Variants in TRAPPC14 observed in about 807,000 individuals in gnomAD.
TRAPPC14 encodes microtubule associated protein 11.
In TRAPPC14, 24 loss-of-function variants were observed where a neutral mutation model predicts 56.6. That is an observed-to-expected ratio of 0.42 (90% CI 0.31 to 0.60). The LOEUF (loss-of-function observed/expected upper bound fraction) is 0.60, where lower values mean the gene tolerates loss of function less well. TRAPPC14 is among the 20% of genes least tolerant of loss of function. TRAPPC14 has a pLI of 0.14. For synonymous variants in TRAPPC14, 377 were observed against 347.0 expected (o/e 1.09, Z -0.96); for missense variants, 615 against 790.3 (o/e 0.78, Z 2.66).
Position 100,155,825 on chromosome 7 carries a change from C to T in TRAPPC14, c.1241G>A (p.Gly414Glu). ...GCGCTCCTCCTCACACAGCTGCTTT[C>T]CTGGGGGCAGAAACAGGGACCAGCA... is the stretch of plus-strand genomic sequence containing the variant. ...LVWTPEHAQA[G>E]KQLCEEERRA... The change falls in exon 9 of 11, where the codon GGA (glycine) becomes GAA (glutamate). Residue 414 changes from glycine (G) to glutamate (E), a missense_variant and splice_region_variant. Transcript: ENST00000316937. 1 of 1,614,216 alleles carries T rather than the reference C, an allele frequency of 6.2e-7. No individual in the cohort carries two copies. Among genetic ancestry groups the T allele is most frequent in the Non-Finnish European group, 8.5e-7 (1 of 1,180,040 alleles).
In TRAPPC14 at chr7:100,155,173, A is replaced by G; in HGVS notation, c.1590-9T>C. The G allele has an allele frequency of 6.2e-7, 1 of 1,610,398 alleles. No individual in the cohort carries two copies. The highest frequency in any genetic ancestry group is 8.5e-7 in the Non-Finnish European group (1 of 1,178,406). On this transcript the variant is annotated splice_polypyrimidine_tract_variant and intron_variant, in intron 10 of 10. Transcript: ENST00000316937. ...CCATCACACTGCCCGACCTGGGGGA[A>G]GGCAGAGGCTGTGGGCGCTGGTCAG...
At chr7:100,157,578 C>G in intron 3 of TRAPPC14, 55 bp downstream of exon 3, 2 of 1,609,292 alleles carry the variant, frequency 1.2e-6, no homozygotes, top group South Asian at 2.2e-5. Context: ...GACCCCTCCC[C>G]TCTGTCCCCC....
At position 100,154,909 on chromosome 7, in the gene TRAPPC14, C is replaced by A; in HGVS notation, c.*102G>T. The A allele has an allele frequency of 8.4e-7, 1 of 1,186,274 alleles. No individual in the cohort carries two copies. Among genetic ancestry groups the A allele is most frequent in the Non-Finnish European group, 1.2e-6 (1 of 800,072 alleles). 73.5% of individuals were successfully genotyped at this position (1,186,274 alleles called of 1,614,324 possible). A position where few individuals can be genotyped will look rare whatever the true frequency, so the allele number is the denominator to read the frequency against. On this transcript the variant is annotated 3_prime_UTR_variant, in exon 11 of 11. Coordinates refer to ENST00000316937, the MANE Select transcript of TRAPPC14 (RefSeq NM_018275.5). ...GCAGCTCTGCCAGGCCTCTTCACCC[C>A]CGTCTGGGAGGCATCCCAGGGGAGG...
chr7:100,158,476 C>A lies in TRAPPC14; in HGVS notation c.24G>T (p.Ser8=). Residue 8 remains serine, a synonymous_variant, in exon 1 of 11, where the codon TCG becomes TCT. Coordinates refer to ENST00000316937, the MANE Select transcript of TRAPPC14 (RefSeq NM_018275.5). Reference sequence around the variant, plus strand: ...GCAGCGGCACGGCCGGGAAGTACATCGAGTAGTCGCACTGGGACTCCATGG... The same window carrying A: ...GCAGCGGCACGGCCGGGAAGTACATAGAGTAGTCGCACTGGGACTCCATGG... The part of the protein sequence containing the change: MESQCDY[S]MYFPAVPLPP... 1 of 1,361,856 alleles carries A rather than the reference C, an allele frequency of 7.3e-7. No homozygotes were observed. Among genetic ancestry groups the A allele is most frequent in the Non-Finnish European group, 9.4e-7 (1 of 1,059,726 alleles). The allele number at this position is 1,361,856 out of a possible 1,614,324, so 84.4% of individuals were successfully genotyped here.
At position 100,158,603 on chromosome 7, in the gene TRAPPC14, C is replaced by T; in HGVS notation, c.-104G>A. The T allele has an allele frequency of 8.6e-7, 1 of 1,167,516 alleles. No homozygotes were observed. Among genetic ancestry groups the T allele is most frequent in the South Asian group, 3.6e-5 (1 of 27,448 alleles). 72.3% of individuals were successfully genotyped at this position (1,167,516 alleles called of 1,614,324 possible). ...GGTCCCGACACCTCCGGCTGCTGCG[C>T]CCGGCTGGGGCGGCCGGAGAGACCG... is the stretch of plus-strand genomic sequence containing the variant. On this transcript the variant is annotated 5_prime_UTR_variant, in exon 1 of 11. Transcript: ENST00000316937.
chr7:100,158,116 G>T lies in TRAPPC14; in HGVS notation c.384C>A (p.Gly128=). ...GCSPLLTHGP[G]PATSGGATTL... is the part of the protein sequence containing the mutation. ...TGGTCGCTCCCCCTGAGGTAGCAGGGCCCGGGCCGTGGGTGAGAAGGGGGC... is the reference window on the plus strand; with the variant it reads ...TGGTCGCTCCCCCTGAGGTAGCAGGTCCCGGGCCGTGGGTGAGAAGGGGGC... The change falls in exon 1 of 11, where the codon GGC becomes GGA. Residue 128 remains glycine (G), a synonymous_variant. Coordinates refer to ENST00000316937, the MANE Select transcript of TRAPPC14 (RefSeq NM_018275.5). 6.7e-7 allele frequency: 1 copy of T among 1,500,462 alleles called. No homozygotes were observed. 92.9% of individuals were successfully genotyped at this position (1,500,462 alleles called of 1,614,324 possible). A position where few individuals can be genotyped will look rare whatever the true frequency, so the allele number is the denominator to read the frequency against.
rs1301248318 is a variant in TRAPPC14, at chr7:100,158,671, G to A, written c.-172C>T. 4 of 545,740 alleles carry A rather than the reference G, an allele frequency of 7.3e-6. No homozygotes were observed. Among genetic ancestry groups the A allele is most frequent in the Non-Finnish European group, 8.4e-6 (3 of 359,066 alleles). The allele number at this position is 545,740 out of a possible 1,614,324, so 33.8% of individuals were successfully genotyped here. On this transcript the variant is annotated 5_prime_UTR_variant, in exon 1 of 11. Transcript: ENST00000316937. ...GGGCAACGAACCCGAACCGAGACCC[G>A]GCAGCGCCGGAACCGGGGTACTGAG...
rs1212739073 is a variant in TRAPPC14, at chr7:100,158,150, CG to C, written c.349del (p.Arg117GlufsTer55). 6.8e-7 allele frequency: 1 copy of C among 1,479,464 alleles called. No homozygotes were observed. Among genetic ancestry groups the C allele is most frequent in the Non-Finnish European group, 8.9e-7 (1 of 1,122,630 alleles). 91.6% of individuals were successfully genotyped at this position (1,479,464 alleles called of 1,614,324 possible). On this transcript the variant is annotated frameshift_variant, in exon 1 of 11. Transcript: ENST00000316937. LOFTEE classifies it high-confidence loss of function. The part of the protein sequence containing the change: ...GGDPGGGGLF[R>X]GCSPLLTHGP... Reference sequence around the variant, plus strand: ...GTGGGTGAGAAGGGGGCTGCAGCCTCGGAACAAACCCCCACCCCCAGGATCC... The same window carrying C: ...GTGGGTGAGAAGGGGGCTGCAGCCTCGAACAAACCCCCACCCCCAGGATCC...
In TRAPPC14 at chr7:100,154,931, G is replaced by A. The variant is rs1798841917; in HGVS notation, c.*80C>T. ...CCCCCGTCTGGGAGGCATCCCAGGG[G>A]AGGCACAGCCCGGGAGCAGGGATCC... On this transcript the variant is annotated 3_prime_UTR_variant, in exon 11 of 11. Coordinates refer to ENST00000316937, the MANE Select transcript of TRAPPC14 (RefSeq NM_018275.5). The A allele has an allele frequency of 4.8e-6, 7 of 1,453,788 alleles. No individual in the cohort carries two copies. The highest frequency in any genetic ancestry group is 1.7e-4 in the Middle Eastern group (1 of 5,742). 90.1% of individuals were successfully genotyped at this position (1,453,788 alleles called of 1,614,324 possible).
In TRAPPC14 at chr7:100,154,947, GCAGGGATC is replaced by G; in HGVS notation, c.*56_*63del. On this transcript the variant is annotated 3_prime_UTR_variant, in exon 11 of 11. Transcript: ENST00000316937. Reference sequence around the variant, plus strand: ...ATCCCAGGGGAGGCACAGCCCGGGAGCAGGGATCCCCTCTGGGGGCGTTGGGTCTCTGG... The same window carrying G: ...ATCCCAGGGGAGGCACAGCCCGGGAGCCCTCTGGGGGCGTTGGGTCTCTGG... 1 of 1,557,336 alleles carries G rather than the reference GCAGGGATC, an allele frequency of 6.4e-7. No homozygotes were observed. Among genetic ancestry groups the G allele is most frequent in the Non-Finnish European group, 8.9e-7 (1 of 1,128,730 alleles).
intron 3 of TRAPPC14, 48 bp from the exon 4 acceptor site, chr7:100,157,507 C>T (rs373292644): frequency 2.9e-5 from 46 of 1,598,620 alleles, no homozygotes; most frequent in Admixed American, 1.0e-4. Flanking sequence ...AGGCTGACCT[C>T]ACCTCCAACC....
intron 4 of TRAPPC14, 61 bp from the exon 5 acceptor site, chr7:100,157,275 A>C (rs1798901265): frequency 6.2e-7 from 1 of 1,613,494 alleles, no homozygotes; most frequent in Non-Finnish European, 8.5e-7. Context: ...ACCTTTACCC[A>C]GAAAAAACCG....
intron 4 of TRAPPC14, 47 bp from the exon 5 acceptor site, chr7:100,157,261 C>A: frequency 6.2e-7 from 1 of 1,613,818 alleles, no homozygotes; most frequent in South Asian, 1.1e-5. Context: ...ACCCCTCAGG[C>A]CCCACCTTTA....
At position 100,158,218 on chromosome 7, in the gene TRAPPC14, GC is replaced by G; in HGVS notation, c.281del (p.Gly94AlafsTer78). 9 of 1,465,280 alleles carry G rather than the reference GC, an allele frequency of 6.1e-6. No individual in the cohort carries two copies. In the Admixed American group the frequency reaches 1.0e-4, roughly 16 times the overall value. The allele number at this position is 1,465,280 out of a possible 1,614,324, so 90.8% of individuals were successfully genotyped here. A position where few individuals can be genotyped will look rare whatever the true frequency, so the allele number is the denominator to read the frequency against. ...CCGAATCCTGGTCGCCGGCGCCGCC[GC>G]CCCCCGGCATCCCGCCTCCGGCGCT... ...SVSAGGGMPG[G>X]GGAGDQDSEP... On this transcript the variant is annotated frameshift_variant, in exon 1 of 11. Transcript: ENST00000316937. LOFTEE classifies it high-confidence loss of function.
In TRAPPC14 at chr7:100,157,362, G is replaced by C; in HGVS notation, c.724+11C>G. 2 of 1,613,938 alleles carry C rather than the reference G, an allele frequency of 1.2e-6. No homozygotes were observed. Among genetic ancestry groups the C allele is most frequent in the Non-Finnish European group, 1.7e-6 (2 of 1,179,838 alleles). ...TTGCTCCCGGAGGCTGGAGCCGGCA[G>C]CCCTGCTTACCCTTGAGCACGGTCA... is the stretch of plus-strand genomic sequence containing the variant. On this transcript the variant is annotated intron_variant, in intron 4 of 10. Coordinates refer to ENST00000316937, the MANE Select transcript of TRAPPC14 (RefSeq NM_018275.5).
rs759055340 is a variant in TRAPPC14, at chr7:100,157,341, TC to T, written c.724+31del. On this transcript the variant is annotated intron_variant, in intron 4 of 10. Transcript: ENST00000316937. ...TGCATCCAATCAGTTCCCTTGTTGC[TC>T]CCGGAGGCTGGAGCCGGCAGCCCTG... The T allele has an allele frequency of 3.5e-5, 56 of 1,613,394 alleles. 1 individual carries two copies. The highest frequency in any genetic ancestry group is 4.2e-5 in the Non-Finnish European group (49 of 1,179,534).
Position 100,154,916 on chromosome 7 carries a change from G to T in TRAPPC14, c.*95C>A. 1.6e-6 allele frequency: 2 copies of T among 1,270,130 alleles called. No individual in the cohort carries two copies. Among genetic ancestry groups the T allele is most frequent in the Non-Finnish European group, 2.3e-6 (2 of 871,932 alleles). 78.7% of individuals were successfully genotyped at this position (1,270,130 alleles called of 1,614,324 possible). On this transcript the variant is annotated 3_prime_UTR_variant, in exon 11 of 11. Coordinates refer to ENST00000316937, the MANE Select transcript of TRAPPC14 (RefSeq NM_018275.5). Reference sequence around the variant, plus strand: ...TGCCAGGCCTCTTCACCCCCGTCTGGGAGGCATCCCAGGGGAGGCACAGCC... The same window carrying T: ...TGCCAGGCCTCTTCACCCCCGTCTGTGAGGCATCCCAGGGGAGGCACAGCC...
Position 100,157,130 on chromosome 7 carries a change from A to G in TRAPPC14, c.809T>C (p.Met270Thr), listed in dbSNP as rs1334244941. 6.2e-7 allele frequency: 1 copy of G among 1,614,186 alleles called. No homozygotes were observed. Residue 270 changes from methionine (M) to threonine (T), a missense_variant, in exon 5 of 11, where the codon ATG (methionine) becomes ACG (threonine). Coordinates refer to ENST00000316937, the MANE Select transcript of TRAPPC14 (RefSeq NM_018275.5). Reference sequence around the variant, plus strand: ...CACCAGCAGCACAGAGCCATCGGGCATGACAGGTAGATAACTGGCGTTGAA... The same window carrying G: ...CACCAGCAGCACAGAGCCATCGGGCGTGACAGGTAGATAACTGGCGTTGAA... The part of the protein sequence containing the change: ...PNFNASYLPV[M>T]PDGSVLLVDN...
chr7:100,158,104 T>G lies in TRAPPC14; in HGVS notation c.396A>C (p.Ser132=). 6.7e-7 allele frequency: 1 copy of G among 1,496,360 alleles called. No homozygotes were observed. The highest frequency in any genetic ancestry group is 8.9e-7 in the Non-Finnish European group (1 of 1,125,758). 92.7% of individuals were successfully genotyped at this position (1,496,360 alleles called of 1,614,324 possible). ...AGCTCCTCACCGTGGTCGCTCCCCC[T>G]GAGGTAGCAGGGCCCGGGCCGTGGG... ...LLTHGPGPAT[S]GGATTLPVEE... The change falls in exon 1 of 11, where the codon TCA becomes TCC. Residue 132 remains serine, a synonymous_variant. Coordinates refer to ENST00000316937, the MANE Select transcript of TRAPPC14 (RefSeq NM_018275.5).
Sources: gnomAD v4.1 joint callset for allele counts on GRCh38, gnomAD v4.1.1 for gene constraint, MANE v1.5 for transcripts, NCBI Gene and HGNC (gene_info 2026-07-23, HGNC 2026-07-21) for gene names.